The following MIB2 variants were observed in gnomAD, a reference collection of about 807,000 sequenced individuals.
MIB2 encodes E3 ubiquitin-protein ligase MIB2.
In MIB2, 78 loss-of-function variants were observed where a neutral mutation model predicts 96.6. The observed-to-expected ratio is 0.81, with a 90% CI of 0.67 to 0.97. The LOEUF (loss-of-function observed/expected upper bound fraction) is 0.97. Ranked by LOEUF, MIB2 falls within the 50% of genes least tolerant of loss-of-function variation. MIB2 has a pLI of 0.00. For missense variants in MIB2, 1,543 were observed against 1,424.0 expected (o/e 1.08, Z -1.35); for synonymous variants, 820 against 629.5 (o/e 1.30, Z -4.53).
intron 13 of MIB2, 29 bp from the exon 14 acceptor site, chr1:1,627,990 C>T: frequency 5.6e-6 from 9 of 1,611,126 alleles, no homozygotes; most frequent in African/African-American, 1.3e-5. Flanking sequence ...GAAGTCACCC[C>T]CAGGTGACCA....
Position 1,628,668 on chromosome 1 carries a change from C to A in MIB2, c.2148C>A (p.Pro716=), listed in dbSNP as rs373124666. The change falls in exon 16 of 20, where the codon CCC becomes CCA. Residue 716 remains proline (P), a synonymous_variant. Coordinates refer to ENST00000355826, the MANE Select transcript of MIB2 (RefSeq NM_001170687.4). ...CGCTGCAGCGTCATCAGCTGCTGCC[C>A]CTGGTGGCTGATGGGGCCGGGGGGG... ...HVALQRHQLL[P]LVADGAGGDP... 1.3e-6 allele frequency: 2 copies of A among 1,585,812 alleles called. No individual in the cohort carries two copies. Among genetic ancestry groups the A allele is most frequent in the Non-Finnish European group, 1.7e-6 (2 of 1,168,844 alleles).
intron 4 of MIB2, 171 bp downstream of exon 4, chr1:1,624,116 C>A: frequency 1.2e-6 from 1 of 819,780 alleles, no homozygotes; most frequent in Non-Finnish European, 1.8e-6. Context: ...CAGAGGGTGG[C>A]CTCTGGGTGG....
intron 16 of MIB2, 111 bp downstream of exon 16, chr1:1,628,833 C>G: frequency 9.8e-7 from 1 of 1,017,848 alleles, no homozygotes; most frequent in Non-Finnish European, 1.4e-6. Flanking sequence ...GCCCAGGGAG[C>G]CAGGCGTTCT....
In MIB2 at chr1:1,625,706, A is replaced by G; in HGVS notation, c.972+53A>G. 1 of 1,448,040 alleles carries G rather than the reference A, an allele frequency of 6.9e-7. No homozygotes were observed. Among genetic ancestry groups the G allele is most frequent in the South Asian group, 1.2e-5 (1 of 81,374 alleles). The allele number at this position is 1,448,040 out of a possible 1,614,324, so 89.7% of individuals were successfully genotyped here. On this transcript the variant is annotated intron_variant, in intron 8 of 19. Coordinates refer to ENST00000355826, the MANE Select transcript of MIB2 (RefSeq NM_001170687.4). This position sits in a 1 kb window ranked among gnomAD's most constrained non-coding sequence, Gnocchi z 5.0. The stretch of plus-strand genomic sequence containing the variant: ...TCTGCTTGCTTCTGTAACCCCTTCC[A>G]CGTACCCCCTTGGCCTTGGGGGGTC...
chr1:1,630,562 C>G lies in MIB2; in HGVS notation c.*32C>G, dbSNP rs116306698. On this transcript the variant is annotated 3_prime_UTR_variant, in exon 20 of 20. Transcript: ENST00000355826. ...CCGTCCGCCGCGCCCGAGCTGCCTT[C>G]GCGTGCCCCCGCCCTGTGTTTTATA... 5.3e-3 allele frequency: 7,740 copies of G among 1,459,816 alleles called. 324 individuals carry two copies. In the African/African-American group the frequency reaches 0.097, roughly 18 times the overall value. 90.4% of individuals were successfully genotyped at this position (1,459,816 alleles called of 1,614,324 possible). A position where few individuals can be genotyped will look rare whatever the true frequency, so the allele number is the denominator to read the frequency against.
Position 1,629,417 on chromosome 1 carries a change from G to A in MIB2, c.2414G>A (p.Gly805Asp). The A allele has an allele frequency of 1.3e-6, 2 of 1,484,620 alleles. No homozygotes were observed. The highest frequency in any genetic ancestry group is 1.5e-5 in the African/African-American group (1 of 68,352). 92.0% of individuals were successfully genotyped at this position (1,484,620 alleles called of 1,614,324 possible). A position where few individuals can be genotyped will look rare whatever the true frequency, so the allele number is the denominator to read the frequency against. The change falls in exon 18 of 20, where the codon GGC (glycine) becomes GAC (aspartate). Residue 805 changes from glycine to aspartate, a missense_variant. By Grantham distance (94) the Gly-to-Asp change is moderately conservative. Transcript: ENST00000355826. ...CAGGCGGGCGGGGGCGCGGCCCCGG[G>A]CCCCAGGCAAACGCTCGGGACCCCC... ...ERQAGGGAAP[G>D]PRQTLGTPNT... is the part of the protein sequence containing the mutation.
chr1:1,622,755 A>G (rs1330205257), intron 2 of MIB2, among the ~76,000 whole-genome samples: 2 of 152,056 alleles, frequency 1.3e-5, no homozygotes, highest in African/African-American at 4.8e-5. Context: ...TTTTCCAGAG[A>G]AGGCTCTGTG....
intron 15 of MIB2, 41 bp from the exon 16 acceptor site, chr1:1,628,448 A>T: frequency 6.3e-7 from 1 of 1,599,504 alleles, no homozygotes; most frequent in South Asian, 1.1e-5. Flanking sequence ...CGGGAGGCCC[A>T]CTGGGGTCCC....
In MIB2 at chr1:1,624,857, C is replaced by T. The variant is rs1416828503; in HGVS notation, c.482C>T (p.Ala161Val). ...RIPLRGIFQG[A>V]KVVRGPDWEW... ...CCACTAAGGGGCATCTTCCAGGGAG[C>T]GAAGGTGGTGCGAGGCCCCGACTGG... Residue 161 changes from alanine (A) to valine (V), a missense_variant, in exon 5 of 20, where the codon GCG becomes GTG. Physicochemically the swap from Ala to Val is moderately conservative, Grantham distance 64 (BLOSUM62 0). Transcript: ENST00000355826. 6 of 1,613,078 alleles carry T rather than the reference C, an allele frequency of 3.7e-6. No individual in the cohort carries two copies. Among genetic ancestry groups the T allele is most frequent in the African/African-American group, 1.3e-5 (1 of 75,042 alleles).
At chr1:1,627,245 T>G (rs1644875578) in intron 11 of MIB2, 38 bp downstream of exon 11, 2 of 1,612,502 alleles carry the variant, frequency 1.2e-6, no homozygotes, top group African/African-American at 2.7e-5. Flanking sequence ...CTGGCCAGTC[T>G]GAGAGTGAGG....
chr1:1,629,172 G>T lies in MIB2; in HGVS notation c.2242G>T (p.Val748Leu), dbSNP rs755857516. Residue 748 changes from valine to leucine, a missense_variant, in exon 17 of 20, where the codon GTG becomes TTG. Coordinates refer to ENST00000355826, the MANE Select transcript of MIB2 (RefSeq NM_001170687.4). The stretch of plus-strand genomic sequence containing the variant: ...CCTCCCCGGCAGCGCGGAGCTGACG[G>T]TGGGCGCGGCGGTCGCCTGCTTCCT... ...SGLPGSAELT[V>L]GAAVACFLAL... The T allele has an allele frequency of 6.6e-7, 1 of 1,505,478 alleles. No individual in the cohort carries two copies. The highest frequency in any genetic ancestry group is 1.2e-5 in the South Asian group (1 of 80,842). 93.3% of individuals were successfully genotyped at this position (1,505,478 alleles called of 1,614,324 possible).
In MIB2 at chr1:1,627,326, C is replaced by T. The variant is rs749113049; in HGVS notation, c.1405C>T (p.Leu469=). Residue 469 remains leucine (L), a synonymous_variant, in exon 12 of 20, where the codon CTG becomes TTG. Coordinates refer to ENST00000355826, the MANE Select transcript of MIB2 (RefSeq NM_001170687.4). ...CACCAAGAACCAAGGCAGGACCGCT[C>T]TGCAAGTGGCTGCCTACCTGGGCCA... ...VDTKNQGRTA[L]QVAAYLGQVE... 40 of 1,613,054 alleles carry T rather than the reference C, an allele frequency of 2.5e-5. No individual in the cohort carries two copies. The highest frequency in any genetic ancestry group is 1.3e-4 in the East Asian group (6 of 44,888).
chr1:1,630,215 C>A (rs1165823985), intron 19 of MIB2, 77 bp from the exon 20 acceptor site: 1 of 266,262 alleles, frequency 3.8e-6, no homozygotes, highest in Admixed American at 6.2e-5. Flanking sequence ...CGCCCCCAGC[C>A]TCGCCCCCCC....
At chr1:1,624,727 C>T (rs1302049116) in intron 4 of MIB2, 68 bp from the exon 5 acceptor site, 29 of 1,443,512 alleles carry the variant, frequency 2.0e-5, no homozygotes, top group Non-Finnish European at 2.4e-5. Flanking sequence ...ATCGCTCTCC[C>T]AAGTGGCTCA....
chr1:1,622,579 C>A (rs1237965972), intron 2 of MIB2, among the ~76,000 whole-genome samples: 1 of 152,256 alleles, frequency 6.6e-6, no homozygotes, highest in Admixed American at 6.5e-5. Flanking sequence ...GGCTACTTCC[C>A]TCCATCTGCT....
Position 1,616,585 on chromosome 1 carries a change from G to T in MIB2, c.-52G>T. ...GGCTGCAGCCCAGGAGCCTCAAGGCGGCCCGGCGGGCGACTGGACGGCCGG... is the reference window on the plus strand; with the variant it reads ...GGCTGCAGCCCAGGAGCCTCAAGGCTGCCCGGCGGGCGACTGGACGGCCGG... On this transcript the variant is annotated 5_prime_UTR_variant, in exon 2 of 20. Coordinates refer to ENST00000355826, the MANE Select transcript of MIB2 (RefSeq NM_001170687.4). The T allele has an allele frequency of 1.2e-6, 2 of 1,601,122 alleles. No individual in the cohort carries two copies. Among genetic ancestry groups the T allele is most frequent in the Non-Finnish European group, 8.5e-7 (1 of 1,174,040 alleles).
At chr1:1,621,327 C>G (rs375635638) in intron 2 of MIB2, among the ~76,000 whole-genome samples, 5 of 152,216 alleles carry the variant, frequency 3.3e-5, no homozygotes, top group South Asian at 4.1e-4. Flanking sequence ...GCCGCTCATG[C>G]GGAGGCCCAG....
chr1:1,616,640 G>A (rs767764370), intron 2 of MIB2, 26 bp downstream of exon 2: 1 of 1,547,146 alleles, frequency 6.5e-7, no homozygotes, highest in Non-Finnish European at 8.7e-7. Flanking sequence ...TCCGCGGCCT[G>A]ATAGTTTGCA....
At position 1,627,806 on chromosome 1, in the gene MIB2, C is replaced by G. The variant is rs754452441; in HGVS notation, c.1657C>G (p.Arg553Gly). The change falls in exon 13 of 20, where the codon CGC becomes GGC. Residue 553 changes from arginine to glycine, a missense_variant. Arg to Gly is a moderately radical substitution (Grantham distance 125). Transcript: ENST00000355826. Reference protein sequence around the residue: ...FLEVVRALCERGCDVNLPDAH... With the variant: ...FLEVVRALCEGGCDVNLPDAH... ...GGAGGTGGTGCGGGCCCTGTGTGAG[C>G]GCGGCTGTGACGTCAACCTGCCCGT... 1.3e-6 allele frequency: 2 copies of G among 1,599,130 alleles called. No individual in the cohort carries two copies. Among genetic ancestry groups the G allele is most frequent in the South Asian group, 1.1e-5 (1 of 90,924 alleles).
Sources: gnomAD v4.1 joint callset for allele counts (sites outside exome capture counted in the v4.1 genomes callset) on GRCh38, gnomAD v4.1.1 for gene constraint, Gnocchi (gnomAD v3.1) non-coding constraint, MANE v1.5 for transcripts, NCBI Gene and HGNC (gene_info 2026-07-23, HGNC 2026-07-21) for gene names.